NMNAT2: variants seen among roughly 807,000 people sequenced by gnomAD.
NMNAT2 encodes the protein nicotinamide/nicotinic acid mononucleotide adenylyltransferase 2.
Under a neutral mutation model 41.6 loss-of-function variants are expected in NMNAT2, and 11 were observed. The observed-to-expected ratio is 0.26, with a 90% CI of 0.17 to 0.44. The LOEUF is 0.44. Ranked by LOEUF, NMNAT2 falls within the 20% of genes least tolerant of loss-of-function variation. The pLI is 1.00. For missense variants in NMNAT2, 288 were observed against 407.7 expected (o/e 0.71, Z 2.53); for synonymous variants, 148 against 151.2 (o/e 0.98, Z 0.16).
chr1:183,354,831 C>T (rs1424846181), intron 1 of NMNAT2, among the ~76,000 whole-genome samples: 3 of 152,224 alleles, frequency 2.0e-5, no homozygotes, highest in Admixed American at 6.5e-5. Context: ...ACAGGCACCA[C>T]CTACCTACCA....
intron 1 of NMNAT2, among the ~76,000 whole-genome samples, chr1:183,390,924 A>C (rs554464929): frequency 6.6e-6 from 1 of 152,304 alleles, no homozygotes; most frequent in Non-Finnish European, 1.5e-5. Flanking sequence ...ATTTGGGGTG[A>C]TGCACGTGAG....
chr1:183,341,725 C>CAAAAAAAAAAAAAAAAAAAAAACAAAAAA (rs1662812821), intron 1 of NMNAT2, among the ~76,000 whole-genome samples: 4 of 22,210 alleles, frequency 1.8e-4, no homozygotes, highest in African/African-American at 6.4e-4. Context: ...AAACAAACAC[C>CAAAAAAAAAAAAAAAAAAAAAACAAAAAA]AAAAAAAAAA....
chr1:183,399,283 C>A (rs1054506885), intron 1 of NMNAT2, among the ~76,000 whole-genome samples: 2 of 152,184 alleles, frequency 1.3e-5, no homozygotes, highest in Admixed American at 6.5e-5. Context: ...ATTATAAACA[C>A]CTCTACACAA....
At chr1:183,302,689 C>T (rs960671694) in intron 1 of NMNAT2, among the ~76,000 whole-genome samples, 2 of 152,156 alleles carry the variant, frequency 1.3e-5, no homozygotes, top group Non-Finnish European at 2.9e-5. Flanking sequence ...GGGCTAGGTA[C>T]CGAACAACTA....
chr1:183,393,657 G>C (rs909172984), intron 1 of NMNAT2, among the ~76,000 whole-genome samples: 6 of 152,174 alleles, frequency 3.9e-5, no homozygotes, highest in African/African-American at 1.4e-4. Flanking sequence ...CCGGGTTCAA[G>C]CGATTCGCCT....
At chr1:183,400,232 C>A (rs375591388) in intron 1 of NMNAT2, among the ~76,000 whole-genome samples, 2 of 152,082 alleles carry the variant, frequency 1.3e-5, no homozygotes, top group Non-Finnish European at 2.9e-5. Flanking sequence ...ATACAAAATC[C>A]ATGTGCAAAA....
chr1:183,406,397 A>G (rs956544682), intron 1 of NMNAT2, among the ~76,000 whole-genome samples: 2 of 152,178 alleles, frequency 1.3e-5, no homozygotes, highest in Non-Finnish European at 1.5e-5. Flanking sequence ...GATCTCGAGG[A>G]AAAGAACTAG....
chr1:183,264,079 GC>G (rs1255920571), intron 8 of NMNAT2, among the ~76,000 whole-genome samples: 3 of 152,130 alleles, frequency 2.0e-5, no homozygotes, highest in African/African-American at 7.2e-5. Flanking sequence ...GGATTCCTAA[GC>G]TGCGTGGTTA....
chr1:183,353,444 A>G (rs1231747691), intron 1 of NMNAT2, among the ~76,000 whole-genome samples: 2 of 152,220 alleles, frequency 1.3e-5, no homozygotes, highest in Non-Finnish European at 2.9e-5. Flanking sequence ...AGGTTTTGAA[A>G]TGCCCTAAAA....
intron 4 of NMNAT2, among the ~76,000 whole-genome samples, chr1:183,288,950 C>A (rs1661464259): frequency 1.3e-5 from 2 of 152,236 alleles, no homozygotes; most frequent in Admixed American, 1.3e-4. Context: ...GAAGGGAAAT[C>A]AGTTTTCTTC....
At chr1:183,261,095 T>C in intron 9 of NMNAT2, 26 bp from the exon 10 acceptor site, 1 of 1,610,288 alleles carries the variant, frequency 6.2e-7, no homozygotes, top group Non-Finnish European at 8.5e-7. Context: ...ACAGAGTCAG[T>C]TGCCAGTCCC....
chr1:183,355,453 A>C (rs1663163773), intron 1 of NMNAT2, among the ~76,000 whole-genome samples: 1 of 152,208 alleles, frequency 6.6e-6, no homozygotes, highest in Non-Finnish European at 1.5e-5. Context: ...TCTGTGTTTT[A>C]ACAAACTCTT....
In NMNAT2 at chr1:183,272,819, C is replaced by T. The variant is rs565251163; in HGVS notation, c.651+5734G>A. Among the ~76,000 whole-genome samples, 7 of 152,334 alleles carry T rather than the reference C, an allele frequency of 4.6e-5. No individual in the cohort carries two copies. The East Asian group carries it at 1.4e-3, about 29-fold the overall frequency. ...CAGACCCATTTGAACCAGTGGCATC[C>T]CTCCTGCCTTGTTTCTGAAGATATT... On this transcript the variant is annotated intron_variant, in intron 8 of 10. Transcript: ENST00000287713.
At chr1:183,340,026 C>T (rs1662761861) in intron 1 of NMNAT2, among the ~76,000 whole-genome samples, 1 of 152,226 alleles carries the variant, frequency 6.6e-6, no homozygotes, top group Admixed American at 6.5e-5. Flanking sequence ...TTAGGCCAAT[C>T]ACAATGATTA....
intron 1 of NMNAT2, among the ~76,000 whole-genome samples, chr1:183,394,574 A>G (rs1381575592): frequency 1.3e-5 from 2 of 152,252 alleles, no homozygotes; most frequent in African/African-American, 2.4e-5. Flanking sequence ...ACAATGGGGT[A>G]GGACAGGAGC....
intron 1 of NMNAT2, among the ~76,000 whole-genome samples, chr1:183,357,298 T>C (rs1426281339): frequency 6.7e-6 from 1 of 149,520 alleles, no homozygotes; most frequent in Non-Finnish European, 1.5e-5. Context: ...GGCACGATCT[T>C]GGCTCACTGC....
chr1:183,262,662 A>G (rs1660692195), intron 8 of NMNAT2, among the ~76,000 whole-genome samples: 1 of 152,256 alleles, frequency 6.6e-6, no homozygotes, highest in African/African-American at 2.4e-5. Flanking sequence ...AAATGATATA[A>G]TTGGATAAAA....
intron 1 of NMNAT2, among the ~76,000 whole-genome samples, chr1:183,396,092 C>T (rs896136634): frequency 2.0e-5 from 3 of 152,180 alleles, no homozygotes. Flanking sequence ...GAGCAAGATT[C>T]CCAGAGCAGT....
At chr1:183,399,904 G>A (rs901668965) in intron 1 of NMNAT2, among the ~76,000 whole-genome samples, 4 of 152,146 alleles carry the variant, frequency 2.6e-5, no homozygotes, top group Non-Finnish European at 5.9e-5. Context: ...GTATTGACGG[G>A]GCATATCTCA....
Sources: allele counts gnomAD v4.1 joint callset (sites outside exome capture counted in the v4.1 genomes callset), GRCh38; gene constraint gnomAD v4.1.1; transcripts MANE v1.5; gene names NCBI Gene and HGNC (gene_info 2026-07-23, HGNC 2026-07-21).